ARID1B: variants seen among roughly 807,000 people sequenced by gnomAD.
ARID1B encodes the protein AT-rich interactive domain-containing protein 1B.
A neutral mutation model predicts 212.3 loss-of-function variants in ARID1B; 30 were observed. The ratio of observed to expected loss-of-function variants is 0.14; its 90% CI spans 0.11 to 0.19. The LOEUF (loss-of-function observed/expected upper bound fraction) is 0.19. Ranked by LOEUF, ARID1B falls within the 10% of genes least tolerant of loss-of-function variation. The pLI, the probability that ARID1B is intolerant of heterozygous loss-of-function variation, is 1.00. For missense variants in ARID1B, 2,891 were observed against 3,204.0 expected (o/e 0.90, Z 2.36); for synonymous variants, 1,402 against 1,301.7 (o/e 1.08, Z -1.66).
rs139785288 is a variant in ARID1B at position 157,200,725 on chromosome 6, C to T, written c.4500C>T (p.Asp1500=). Residue 1500 remains aspartate (D), a synonymous_variant, in exon 18 of 20, where the codon GAC becomes GAT. Transcript: ENST00000636930. This position sits in a 1 kb window ranked among gnomAD's most constrained non-coding sequence, Gnocchi z 4.3. Reference sequence around the variant, plus strand: ...TCCAGAATTACAAACGCCATATGGACGGCATGTACGGGCCCCCAGCCAAGC... The same window carrying T: ...TCCAGAATTACAAACGCCATATGGATGGCATGTACGGGCCCCCAGCCAAGC... ...PQQPNYKRHM[D]GMYGPPAKRH... The T allele has an allele frequency of 5.3e-5, 86 of 1,610,326 alleles. 1 individual carries two copies. Among genetic ancestry groups the T allele is most frequent in the Non-Finnish European group, 6.6e-5 (78 of 1,178,312 alleles).
intron 1 of ARID1B, among the ~76,000 whole-genome samples, chr6:156,810,093 T>C (rs952694537): frequency 6.6e-6 from 1 of 152,216 alleles, no homozygotes; most frequent in African/African-American, 2.4e-5. Flanking sequence ...AAAATAACTA[T>C]TGAAAATCAT....
In ARID1B at chr6:157,206,851, C is replaced by T. The variant is rs764604817; in HGVS notation, c.6079C>T (p.Pro2027Ser). Residue 2027 changes from proline (P) to serine (S), a missense_variant, in exon 20 of 20, where the codon CCC (proline) becomes TCC (serine). This residue lies in a region of ARID1B where 332 missense variants were observed against 369.2 expected (regional missense o/e 0.90). Transcript: ENST00000636930. The surrounding 1 kb of genome is among the most constrained non-coding windows in gnomAD (Gnocchi z 6.8). ...PGPQTESSKFPFGIQQAKSHR... is the reference protein window; with the variant it reads ...PGPQTESSKFSFGIQQAKSHR... ...GCCCCAGACCGAAAGCAGTAAGTTT[C>T]CCTTTGGTATCCAGCAAGCCAAAAG... is the stretch of plus-strand genomic sequence containing the variant. 2 of 1,614,154 alleles carry T rather than the reference C, an allele frequency of 1.2e-6. No homozygotes were observed. Among genetic ancestry groups the T allele is most frequent in the Non-Finnish European group, 1.7e-6 (2 of 1,180,036 alleles).
At chr6:157,105,808 G>A (rs1025644055) in intron 5 of ARID1B, among the ~76,000 whole-genome samples, 6 of 152,142 alleles carry the variant, frequency 3.9e-5, no homozygotes, top group African/African-American at 1.2e-4. Context: ...CACCATGTTG[G>A]TCAGGCTGGT....
At chr6:156,798,822 G>A (rs1454227921) in intron 1 of ARID1B, among the ~76,000 whole-genome samples, 1 of 152,164 alleles carries the variant, frequency 6.6e-6, no homozygotes, top group Non-Finnish European at 1.5e-5. Context: ...TTGGGTTAAA[G>A]CATGGTCAGC....
At chr6:156,823,164 G>A (rs1400442156) in intron 1 of ARID1B, among the ~76,000 whole-genome samples, 1 of 152,098 alleles carries the variant, frequency 6.6e-6, no homozygotes, top group Non-Finnish European at 1.5e-5. Context: ...CGCTGTGTTG[G>A]TGTGTTACGG....
chr6:157,088,619 G>T (rs1248082373), intron 5 of ARID1B, among the ~76,000 whole-genome samples: 1 of 152,068 alleles, frequency 6.6e-6, no homozygotes, highest in Non-Finnish European at 1.5e-5. Flanking sequence ...TTGGTCATAG[G>T]TAATAAAACC....
intron 1 of ARID1B, among the ~76,000 whole-genome samples, chr6:156,791,767 T>G (rs1053445209): frequency 1.3e-5 from 2 of 152,282 alleles, no homozygotes; most frequent in Admixed American, 1.3e-4. Context: ...AATGTGCTGA[T>G]GTGCAGGATC....
At chr6:156,957,286 T>C (rs1386052047) in intron 4 of ARID1B, among the ~76,000 whole-genome samples, 2 of 152,202 alleles carry the variant, frequency 1.3e-5, no homozygotes, top group African/African-American at 4.8e-5. Context: ...TTTTCAGTTA[T>C]CTATGTTTAT....
intron 4 of ARID1B, among the ~76,000 whole-genome samples, chr6:157,055,064 A>C (rs375962811): frequency 6.6e-6 from 1 of 152,230 alleles, no homozygotes; most frequent in Non-Finnish European, 1.5e-5. Flanking sequence ...TCAGCCGGGA[A>C]GTAGGGGGGC....
chr6:157,015,971 A>T (rs902132311), intron 4 of ARID1B, among the ~76,000 whole-genome samples: 1 of 152,190 alleles, frequency 6.6e-6, no homozygotes, highest in Non-Finnish European at 1.5e-5. Flanking sequence ...CTGTAAGGAG[A>T]TATCTTCTCA....
At chr6:157,196,035 G>C (rs950743090) in intron 15 of ARID1B, 130 bp from the exon 16 acceptor site, 2 of 1,181,940 alleles carry the variant, frequency 1.7e-6, no homozygotes, top group African/African-American at 3.1e-5. Context: ...CATTAGCCTG[G>C]GCGACAGAGT....
chr6:157,015,397 C>T (rs757206524), intron 4 of ARID1B, among the ~76,000 whole-genome samples: 1 of 152,122 alleles, frequency 6.6e-6, no homozygotes, highest in Non-Finnish European at 1.5e-5. Context: ...CCTCATGGGA[C>T]TGTTTAGTGT....
At chr6:157,052,845 G>A (rs760666363) in intron 4 of ARID1B, among the ~76,000 whole-genome samples, 31 of 151,832 alleles carry the variant, frequency 2.0e-4, no homozygotes, top group African/African-American at 3.6e-4. Flanking sequence ...TCGGCCTCCC[G>A]AGTAGCTGGG....
chr6:157,015,673 G>GCA (rs1779881536), intron 4 of ARID1B, among the ~76,000 whole-genome samples: 1 of 152,170 alleles, frequency 6.6e-6, no homozygotes, highest in Non-Finnish European at 1.5e-5. Flanking sequence ...TGTTTCTATT[G>GCA]GGAGCAGTTG....
At chr6:157,182,955 G>A (rs985427992) in intron 12 of ARID1B, among the ~76,000 whole-genome samples, 54 of 152,170 alleles carry the variant, frequency 3.5e-4, no homozygotes, top group Admixed American at 3.5e-3. Context: ...TTATCAGCCA[G>A]CACAGAGTAG....
chr6:157,208,078 G>T lies in ARID1B; in HGVS notation c.*187G>T. 1.6e-6 allele frequency: 1 copy of T among 638,532 alleles called. No homozygotes were observed. The highest frequency in any genetic ancestry group is 3.8e-5 in the Admixed American group (1 of 26,046). The allele number at this position is 638,532 out of a possible 1,614,324, so 39.6% of individuals were successfully genotyped here. A position where few individuals can be genotyped will look rare whatever the true frequency, so the allele number is the denominator to read the frequency against. On this transcript the variant is annotated 3_prime_UTR_variant, in exon 20 of 20. Coordinates refer to ENST00000636930, the MANE Select transcript of ARID1B (RefSeq NM_001374828.1). ...TTGAACAGTTATGAAATTAATATTT[G>T]CTGTCTGTGTGTATAAGTACATCCT... is the stretch of plus-strand genomic sequence containing the variant.
chr6:157,099,297 C>T (rs909479556), intron 5 of ARID1B, among the ~76,000 whole-genome samples: 1 of 152,158 alleles, frequency 6.6e-6, no homozygotes, highest in African/African-American at 2.4e-5. Context: ...ATAGTTAAGT[C>T]TAGAAGTCCG....
chr6:156,824,704 G>A (rs1369784595), intron 1 of ARID1B, among the ~76,000 whole-genome samples: 2 of 152,238 alleles, frequency 1.3e-5, no homozygotes, highest in East Asian at 3.9e-4. Flanking sequence ...GGTGGAGGTT[G>A]CAGTGAGCTG....
chr6:157,148,600 A>G lies in ARID1B; in HGVS notation c.2762-24A>G. On this transcript the variant is annotated intron_variant, in intron 7 of 19. Transcript: ENST00000636930. The surrounding 1 kb of genome is among the most constrained non-coding windows in gnomAD (Gnocchi z 5.6). ...GTCACAAGTTTAAATAAAAGGCTTT[A>G]CTTTGTGTTTGCTTTTTGTTTAGGT... is the stretch of plus-strand genomic sequence containing the variant. 2 of 1,569,340 alleles carry G rather than the reference A, an allele frequency of 1.3e-6. No homozygotes were observed. Among genetic ancestry groups the G allele is most frequent in the Non-Finnish European group, 8.7e-7 (1 of 1,151,988 alleles).
Sources: allele counts gnomAD v4.1 joint callset (sites outside exome capture counted in the v4.1 genomes callset), GRCh38; gene constraint gnomAD v4.1.1; regional missense constraint gnomAD v4.1.1; non-coding constraint Gnocchi (gnomAD v3.1); transcripts MANE v1.5; gene names NCBI Gene and HGNC (gene_info 2026-07-23, HGNC 2026-07-21).